PUM2: variants seen among roughly 807,000 people sequenced by gnomAD.
The protein encoded by PUM2 is pumilio homolog 2.
A neutral mutation model predicts 124.5 loss-of-function variants in PUM2; 57 were observed. The ratio of observed to expected loss-of-function variants is 0.46; its 90% CI spans 0.37 to 0.57. The LOEUF (loss-of-function observed/expected upper bound fraction) is 0.57, where lower values mean the gene tolerates loss of function less well. PUM2 is among the 20% of genes least tolerant of loss of function. PUM2 has a pLI of 0.00. For synonymous variants in PUM2, 460 were observed against 446.1 expected (o/e 1.03, Z -0.39); for missense variants, 1,065 against 1,290.6 (o/e 0.83, Z 2.68).
At chr2:20,297,808 AT>A in intron 7 of PUM2, 130 bp from the exon 8 acceptor site, 1 of 881,596 alleles carries the variant, frequency 1.1e-6, no homozygotes, top group Non-Finnish European at 1.7e-6. Context: ...AATGGTTCAA[AT>A]TTTTACTAAG....
intron 13 of PUM2, among the ~76,000 whole-genome samples, chr2:20,267,795 C>T (rs1315072696): frequency 2.0e-5 from 3 of 152,152 alleles, no homozygotes; most frequent in East Asian, 1.9e-4. Flanking sequence ...TTATCTCATA[C>T]GACAGTGTGC....
At chr2:20,332,048 A>T (rs1424716631) in intron 1 of PUM2, 1 of 152,172 alleles carries the variant, frequency 6.6e-6, no homozygotes, top group Non-Finnish European at 1.5e-5. Flanking sequence ...TTCTTTTAAA[A>T]TTTTTTCCAA....
chr2:20,290,715 C>G lies in PUM2; in HGVS notation c.1228G>C (p.Ala410Pro), dbSNP rs761011327. Residue 410 changes from alanine to proline, a missense_variant, in exon 10 of 21, where the codon GCG becomes CCG. Around this residue, in one of 3 missense-constraint regions of PUM2, gnomAD observed 968 missense variants for 1,159.8 expected, o/e 0.83. Transcript: ENST00000361078. ...GQQGQQAESL[A>P]AAAAANPTLA... is the part of the protein sequence containing the mutation. ...GTTGGATTTGCTGCTGCAGCTGCCGCAAGTGATTCTGCTTGCTGCCCTTGC... is the reference window on the plus strand; with the variant it reads ...GTTGGATTTGCTGCTGCAGCTGCCGGAAGTGATTCTGCTTGCTGCCCTTGC... 13 of 1,613,614 alleles carry G rather than the reference C, an allele frequency of 8.1e-6. No homozygotes were observed. The highest frequency in any genetic ancestry group is 1.0e-5 in the Non-Finnish European group (12 of 1,179,932).
chr2:20,349,362 T>A (rs1688858659), intron 1 of PUM2, among the ~76,000 whole-genome samples: 1 of 152,198 alleles, frequency 6.6e-6, no homozygotes, highest in Non-Finnish European at 1.5e-5. Context: ...CCAAGAAAAT[T>A]CTACACAATG....
At chr2:20,287,182 A>C (rs1234663886) in intron 10 of PUM2, among the ~76,000 whole-genome samples, 2 of 152,242 alleles carry the variant, frequency 1.3e-5, no homozygotes, top group Admixed American at 6.5e-5. Flanking sequence ...CAGAGAAACA[A>C]AACTCTCTAA....
At chr2:20,349,581 A>C (rs1558703561) in intron 1 of PUM2, among the ~76,000 whole-genome samples, 1 of 152,040 alleles carries the variant, frequency 6.6e-6, no homozygotes, top group African/African-American at 2.4e-5. Context: ...TCACATGGTG[A>C]AGAGTCACCT....
chr2:20,333,378 T>TA (rs1685314681), intron 1 of PUM2, among the ~76,000 whole-genome samples: 1 of 151,498 alleles, frequency 6.6e-6, no homozygotes, highest in Admixed American at 6.6e-5. Flanking sequence ...TACAAAAAAT[T>TA]AAAAAATTAG....
chr2:20,267,953 C>T (rs930050168), intron 13 of PUM2, among the ~76,000 whole-genome samples: 1 of 152,182 alleles, frequency 6.6e-6, no homozygotes, highest in African/African-American at 2.4e-5. Context: ...GCAAGACCTC[C>T]GTATCTACAA....
At chr2:20,265,550 CT>C (rs1558501842) in intron 13 of PUM2, among the ~76,000 whole-genome samples, 1 of 152,180 alleles carries the variant, frequency 6.6e-6, no homozygotes, top group Non-Finnish European at 1.5e-5. Flanking sequence ...CATCTTTGCC[CT>C]TTTAGAAGGG....
intron 18 of PUM2, 72 bp from the exon 19 acceptor site, chr2:20,255,056 A>G: frequency 6.5e-7 from 1 of 1,533,094 alleles, no homozygotes; most frequent in Admixed American, 1.9e-5. Flanking sequence ...AGACATGTTA[A>G]TCATTTCATC....
chr2:20,345,098 T>C (rs575903562), intron 1 of PUM2, among the ~76,000 whole-genome samples: 43 of 150,862 alleles, frequency 2.9e-4, no homozygotes, highest in African/African-American at 9.0e-4. Flanking sequence ...TCTTTTTTTT[T>C]TTTTTGCGGC....
intron 10 of PUM2, among the ~76,000 whole-genome samples, chr2:20,289,411 G>A (rs1231812581): frequency 2.6e-5 from 4 of 152,148 alleles, no homozygotes; most frequent in Non-Finnish European, 2.9e-5. Flanking sequence ...TCACTTTTCA[G>A]CCCAACGTCC....
chr2:20,333,153 T>A (rs1685266904), intron 1 of PUM2: 1 of 152,196 alleles, frequency 6.6e-6, no homozygotes, highest in African/African-American at 2.4e-5. Context: ...AGATTATTAC[T>A]AATGATGTGA....
At position 20,308,409 on chromosome 2, in the gene PUM2, G is replaced by C; in HGVS notation, c.694C>G (p.Leu232Val). 1.9e-6 allele frequency: 3 copies of C among 1,614,052 alleles called. No homozygotes were observed. The highest frequency in any genetic ancestry group is 2.5e-6 in the Non-Finnish European group (3 of 1,179,974). The part of the protein sequence containing the change: ...QNLDAMEQVG[L>V]ESLQFDYPGN... ...GGATAGTCAAACTGTAAGGATTCCA[G>C]ACCAACTTGTTCCATGGCATCCAGA... Residue 232 changes from leucine (L) to valine (V), a missense_variant, in exon 6 of 21, where the codon CTG (leucine) becomes GTG (valine). Transcript: ENST00000361078.
At chr2:20,294,656 G>T in intron 8 of PUM2, 138 bp from the exon 9 acceptor site, 3 of 997,320 alleles carry the variant, frequency 3.0e-6, no homozygotes, top group South Asian at 4.1e-5. Context: ...AAAAGACAAA[G>T]TATTGATGGG....
At chr2:20,283,557 T>C (rs755213883) in intron 10 of PUM2, 71 bp from the exon 11 acceptor site, 2 of 1,470,642 alleles carry the variant, frequency 1.4e-6, no homozygotes, top group Non-Finnish European at 1.9e-6. Context: ...TTCCCTGCAT[T>C]TGTATTTTTT....
chr2:20,265,203 G>C (rs1045368395), intron 13 of PUM2, among the ~76,000 whole-genome samples: 3 of 149,148 alleles, frequency 2.0e-5, no homozygotes, highest in African/African-American at 7.5e-5. Flanking sequence ...AGTGAGCAGA[G>C]ATTGCACCAC....
chr2:20,251,533 A>G lies in PUM2; in HGVS notation c.*52T>C. Reference sequence around the variant, plus strand: ...GTTGTGTTTTGATAATTCACACACAAAAAAATTCTTTTCACATGGTTAAAT... The same window carrying G: ...GTTGTGTTTTGATAATTCACACACAGAAAAATTCTTTTCACATGGTTAAAT... On this transcript the variant is annotated 3_prime_UTR_variant, in exon 21 of 21. Coordinates refer to ENST00000361078, the MANE Select transcript of PUM2 (RefSeq NM_015317.5). 6.5e-7 allele frequency: 1 copy of G among 1,549,702 alleles called. No homozygotes were observed. Among genetic ancestry groups the G allele is most frequent in the Non-Finnish European group, 8.7e-7 (1 of 1,143,064 alleles).
chr2:20,274,170 C>A (rs1669646947), intron 13 of PUM2, among the ~76,000 whole-genome samples: 1 of 151,854 alleles, frequency 6.6e-6, no homozygotes, highest in Non-Finnish European at 1.5e-5. Flanking sequence ...ACAGTCTATG[C>A]CAACAATTAG....
Sources: gnomAD v4.1 joint callset for allele counts (sites outside exome capture counted in the v4.1 genomes callset) on GRCh38, gnomAD v4.1.1 for gene constraint, gnomAD v4.1.1 regional missense constraint, MANE v1.5 for transcripts, NCBI Gene and HGNC (gene_info 2026-07-23, HGNC 2026-07-21) for gene names.